The following SLC43A1 variants were observed in gnomAD, a reference collection of about 807,000 sequenced individuals.
SLC43A1 encodes large neutral amino acids transporter small subunit 3.
A neutral mutation model predicts 59.5 loss-of-function variants in SLC43A1; 31 were observed. That is an observed-to-expected ratio of 0.52 (90% CI 0.39 to 0.70). SLC43A1 has a LOEUF of 0.70. SLC43A1 is among the 30% of genes least tolerant of loss of function. SLC43A1 has a pLI of 0.00. For synonymous variants in SLC43A1, 259 were observed against 290.9 expected, an observed-to-expected ratio of 0.89 and a Z score of 1.12; for missense variants, 598 against 717.8, an observed-to-expected ratio of 0.83 and a Z score of 1.91.
At position 57,485,265 on chromosome 11, in the gene SLC43A1, C is replaced by G. The variant is rs780839260; in HGVS notation, c.1534-23G>C. Reference sequence around the variant, plus strand: ...CACCTTTAGGGCAAGGAGAGAGAAACAGAGTCAAGTAGGTAGTCATCTGCC... The same window carrying G: ...CACCTTTAGGGCAAGGAGAGAGAAAGAGAGTCAAGTAGGTAGTCATCTGCC... On this transcript the variant is annotated intron_variant, in intron 14 of 14. Transcript: ENST00000278426. 9 of 1,601,584 alleles carry G rather than the reference C, an allele frequency of 5.6e-6. No individual in the cohort carries two copies. In the African/African-American group the frequency reaches 8.0e-5, roughly 14 times the overall value.
intron 2 of SLC43A1, among the ~76,000 whole-genome samples, chr11:57,510,452 C>A (rs1301130638): frequency 1.1e-5 from 1 of 93,714 alleles, no homozygotes; most frequent in African/African-American, 4.6e-5. Context: ...AGTGAGACTC[C>A]ATCTCAAAAA....
chr11:57,492,434 T>TATATATATATAAAATATAATATAA lies in SLC43A1; in HGVS notation c.872-596_872-573dup, dbSNP rs1943936972. On this transcript the variant is annotated intron_variant, in intron 8 of 14. Transcript: ENST00000278426. ...AGCAAGACCCTATCTCTAAAAAATA[T>TATATATATATAAAATATAATATAA]ATATATATATAAAATATAATATAAA... Among the ~76,000 whole-genome samples the TATATATATATAAAATATAATATAA allele has an allele frequency of 3.8e-5, 5 of 131,928 alleles. No individual in the cohort carries two copies. In the Admixed American group the frequency reaches 4.4e-4, roughly 12 times the overall value. 86.5% of individuals were successfully genotyped at this position (131,928 alleles called of 152,430 possible).
At chr11:57,510,209 C>A (rs1184599165) in intron 2 of SLC43A1, among the ~76,000 whole-genome samples, 1 of 151,964 alleles carries the variant, frequency 6.6e-6, no homozygotes, top group Non-Finnish European at 1.5e-5. Context: ...GTAATCCCAG[C>A]ACTTTGGGAG....
At position 57,488,997 on chromosome 11, in the gene SLC43A1, CAA is replaced by C. The variant is rs1286301724; in HGVS notation, c.1336-10_1336-9del. On this transcript the variant is annotated splice_polypyrimidine_tract_variant and intron_variant, in intron 12 of 14. Transcript: ENST00000278426. ...CAGGACAAAGGTCACAAACTAAAAC[CAA>C]AAAGAGAGAGTGAAGAGGTTAGGAG... is the stretch of plus-strand genomic sequence containing the variant. 1.2e-6 allele frequency: 2 copies of C among 1,613,316 alleles called. No homozygotes were observed. The highest frequency in any genetic ancestry group is 2.7e-5 in the African/African-American group (2 of 74,894).
intron 2 of SLC43A1, among the ~76,000 whole-genome samples, chr11:57,511,813 C>T (rs997228691): frequency 2.6e-5 from 4 of 152,156 alleles, no homozygotes; most frequent in African/African-American, 4.8e-5. Flanking sequence ...TACAAGATTC[C>T]ATTTAAATGA....
intron 6 of SLC43A1, among the ~76,000 whole-genome samples, chr11:57,496,568 T>G (rs1416007530): frequency 6.6e-6 from 1 of 152,204 alleles, no homozygotes; most frequent in Non-Finnish European, 1.5e-5. Flanking sequence ...TTACCGGGCC[T>G]AATCGTGTTT....
intron 2 of SLC43A1, 96 bp from the exon 3 acceptor site, chr11:57,501,425 C>T: frequency 7.6e-7 from 1 of 1,321,748 alleles, no homozygotes; most frequent in Non-Finnish European, 1.1e-6. Context: ...TTTCAAATCC[C>T]ATGCCAAGTG....
At chr11:57,509,332 G>T (rs1178985198) in intron 2 of SLC43A1, among the ~76,000 whole-genome samples, 1 of 152,096 alleles carries the variant, frequency 6.6e-6, no homozygotes, top group Admixed American at 6.6e-5. Context: ...GCTCACACCT[G>T]CAATCCCAGC....
At chr11:57,494,210 C>T in intron 7 of SLC43A1, 39 bp from the exon 8 acceptor site, 2 of 1,586,696 alleles carry the variant, frequency 1.3e-6, no homozygotes, top group Non-Finnish European at 1.7e-6. Context: ...GAACCAGTCA[C>T]ACAGAGCCCA....
Position 57,496,149 on chromosome 11 carries a change from C to T in SLC43A1, c.574G>A (p.Gly192Ser), listed in dbSNP as rs777724431. Reference sequence around the variant, plus strand: ...AACATGATGACCACGAAGGCCACACCGGCATCGTAGATCAGCTGTGAGAGG... The same window carrying T: ...AACATGATGACCACGAAGGCCACACTGGCATCGTAGATCAGCTGTGAGAGG... ...FPGIKLIYDAGVAFVVIMFTW... is the reference protein window; with the variant it reads ...FPGIKLIYDASVAFVVIMFTW... Residue 192 changes from glycine (G) to serine (S), a missense_variant, in exon 7 of 15, where the codon GGT (glycine) becomes AGT (serine). Transcript: ENST00000278426. 6 of 1,614,042 alleles carry T rather than the reference C, an allele frequency of 3.7e-6. No individual in the cohort carries two copies. Among genetic ancestry groups the T allele is most frequent in the African/African-American group, 1.3e-5 (1 of 75,012 alleles).
intron 7 of SLC43A1, among the ~76,000 whole-genome samples, 191 bp downstream of exon 7, chr11:57,495,837 AAAC>A (rs1022773730): frequency 6.6e-6 from 1 of 152,122 alleles, no homozygotes; most frequent in Non-Finnish European, 1.5e-5. Flanking sequence ...ACAAACAAAC[AAAC>A]AAAAGCGACC....
Position 57,514,190 on chromosome 11 carries a change from G to A in SLC43A1, c.-13-66C>T. 1 of 1,473,310 alleles carries A rather than the reference G, an allele frequency of 6.8e-7. No individual in the cohort carries two copies. The highest frequency in any genetic ancestry group is 2.5e-5 in the Admixed American group (1 of 39,284). 91.3% of individuals were successfully genotyped at this position (1,473,310 alleles called of 1,614,324 possible). ...GCCCCAGGGAAGGGTCCTGCATCAT[G>A]GTGGCACCCGAGACCTCTCGGGCCA... is the stretch of plus-strand genomic sequence containing the variant. On this transcript the variant is annotated intron_variant, in intron 1 of 14. Transcript: ENST00000278426. The surrounding 1 kb of genome is among the most constrained non-coding windows in gnomAD (Gnocchi z 5.5).
At chr11:57,507,787 G>A (rs1207378641) in intron 2 of SLC43A1, among the ~76,000 whole-genome samples, 1 of 152,148 alleles carries the variant, frequency 6.6e-6, no homozygotes, top group African/African-American at 2.4e-5. Flanking sequence ...TATAGACTTG[G>A]AAAGAATGGA....
intron 5 of SLC43A1, among the ~76,000 whole-genome samples, chr11:57,498,792 C>T (rs1240374094): frequency 4.6e-5 from 7 of 152,216 alleles, no homozygotes; most frequent in Non-Finnish European, 8.8e-5. Flanking sequence ...TCAGAACCCA[C>T]ACCAGGAGAG....
At chr11:57,505,041 A>G (rs1944361983) in intron 2 of SLC43A1, among the ~76,000 whole-genome samples, 1 of 152,198 alleles carries the variant, frequency 6.6e-6, no homozygotes. Context: ...CAACATTTAT[A>G]GACAAATAAA....
rs1218893262 is a variant in SLC43A1, at chr11:57,496,119, AGGTGAACATGATGACCAC to A, written c.586_603del (p.Val196_Thr201del). 16 of 1,614,194 alleles carry A rather than the reference AGGTGAACATGATGACCAC, an allele frequency of 9.9e-6. No homozygotes were observed. Among genetic ancestry groups the A allele is most frequent in the Non-Finnish European group, 1.3e-5 (15 of 1,180,028 alleles). On this transcript the variant is annotated inframe_deletion, in exon 7 of 15. Transcript: ENST00000278426. ...AAGATAAGGCAGGCCAGGCCAGACCAGGTGAACATGATGACCACGAAGGCCACACCGGCATCGTAGATC... is the reference window on the plus strand; with the variant it reads ...AAGATAAGGCAGGCCAGGCCAGACCAGAAGGCCACACCGGCATCGTAGATC...
At position 57,485,150 on chromosome 11, in the gene SLC43A1, G is replaced by T. The variant is rs758237291; in HGVS notation, c.1626C>A (p.Ala542=). ...CCTTCAGTGGGCCCATCCCATTGGCGGCGTACTCCTGCTGGAGCCGGGCAC... is the reference window on the plus strand; with the variant it reads ...CCTTCAGTGGGCCCATCCCATTGGCTGCGTACTCCTGCTGGAGCCGGGCAC... ...YYRARLQQEY[A]ANGMGPLKVL... is the part of the protein sequence containing the mutation. Residue 542 remains alanine (A), a synonymous_variant, in exon 15 of 15, where the codon GCC becomes GCA. Coordinates refer to ENST00000278426, the MANE Select transcript of SLC43A1 (RefSeq NM_003627.6). The T allele has an allele frequency of 6.2e-7, 1 of 1,614,098 alleles. No individual in the cohort carries two copies. The highest frequency in any genetic ancestry group is 1.1e-5 in the South Asian group (1 of 91,076).
chr11:57,491,345 C>A lies in SLC43A1; in HGVS notation c.1072G>T (p.Val358Phe). The change falls in exon 11 of 15, where the codon GTC becomes TTC. Residue 358 changes from valine to phenylalanine, a missense_variant. Transcript: ENST00000278426. ...VAETVGFYSS[V>F]FGAMQLLCLL... is the part of the protein sequence containing the mutation. ...CACAACAGCTGCATGGCCCCGAAGACGGAGGAGTAGAACCCAACTGGGCAG... is the reference window on the plus strand; with the variant it reads ...CACAACAGCTGCATGGCCCCGAAGAAGGAGGAGTAGAACCCAACTGGGCAG... The A allele has an allele frequency of 1.3e-6, 2 of 1,599,092 alleles. No homozygotes were observed. The highest frequency in any genetic ancestry group is 1.7e-5 in the Admixed American group (1 of 58,156).
intron 2 of SLC43A1, among the ~76,000 whole-genome samples, chr11:57,511,178 C>A (rs12296041): frequency 0.19 from 28,365 of 151,992 alleles, 4,891 homozygotes; most frequent in African/African-American, 0.46. Context: ...AATCCCAACA[C>A]TTTGGGAGGC....
Sources: allele counts gnomAD v4.1 joint callset (sites outside exome capture counted in the v4.1 genomes callset), GRCh38; gene constraint gnomAD v4.1.1; non-coding constraint Gnocchi (gnomAD v3.1); transcripts MANE v1.5; gene names NCBI Gene and HGNC (gene_info 2026-07-23, HGNC 2026-07-21).